ALK: variants seen among roughly 807,000 people sequenced by gnomAD.
ALK encodes ALK tyrosine kinase receptor.
In ALK, 74 loss-of-function variants were observed where a neutral mutation model predicts 163.1. That is an observed-to-expected ratio of 0.45 (90% confidence interval 0.38 to 0.55). The LOEUF is 0.55. Ranked by LOEUF, ALK falls within the 20% of genes least tolerant of loss-of-function variation. ALK has a pLI of 0.00. For synonymous variants in ALK, 960 were observed against 843.2 expected, an observed-to-expected ratio of 1.14 and a Z score of -2.40; for missense variants, 2,063 against 2,105.3, an observed-to-expected ratio of 0.98 and a Z score of 0.39.
chr2:29,662,988 G>A (rs1245105120), intron 3 of ALK, among the ~76,000 whole-genome samples: 1 of 152,126 alleles, frequency 6.6e-6, no homozygotes, highest in African/African-American at 2.4e-5. Flanking sequence ...TTTGATGATT[G>A]ACAATAAATC....
At position 29,803,547 on chromosome 2, in the gene ALK, T is replaced by C. The variant is rs530885671; in HGVS notation, c.668-85850A>G. On this transcript the variant is annotated intron_variant, in intron 1 of 28. Transcript: ENST00000389048. The stretch of plus-strand genomic sequence containing the variant: ...CCTCTGTTTAGAGAGAAAAATAACA[T>C]TGGGCTGTCAGGGTGCTGGTCTTTA... Among the ~76,000 whole-genome samples the C allele has an allele frequency of 1.0e-3, 158 of 152,286 alleles. 1 individual carries two copies. Among genetic ancestry groups the C allele is most frequent in the South Asian group, 5.8e-3 (28 of 4,824 alleles).
At chr2:29,254,256 G>C (rs978285113) in intron 11 of ALK, among the ~76,000 whole-genome samples, 2 of 152,124 alleles carry the variant, frequency 1.3e-5, no homozygotes, top group African/African-American at 4.8e-5. Flanking sequence ...TTTATTAGCA[G>C]CATGAGAATG....
chr2:29,294,289 C>A (rs1195682317), intron 9 of ALK, among the ~76,000 whole-genome samples: 2 of 152,192 alleles, frequency 1.3e-5, no homozygotes, highest in Non-Finnish European at 2.9e-5. Flanking sequence ...GCTTTTTGCT[C>A]CTCCATCAGT....
chr2:29,354,839 TCACTGCAAGCTC>T (rs1490856509), intron 5 of ALK, among the ~76,000 whole-genome samples: 2 of 150,922 alleles, frequency 1.3e-5, no homozygotes, highest in Non-Finnish European at 2.9e-5. Flanking sequence ...CGACCTTGGC[TCACTGCAAGCTC>T]CACCTCCCAG....
Position 29,227,743 on chromosome 2 carries a change from G to T in ALK, c.2816-71C>A. On this transcript the variant is annotated intron_variant, in intron 16 of 28. Transcript: ENST00000389048. This position sits in a 1 kb window ranked among gnomAD's most constrained non-coding sequence, Gnocchi z 4.4. ...AAAATCTTAACACACACACACGTCA[G>T]TGGGGCATGCAGCTCTGGCCAAAGT... 1 of 1,253,224 alleles carries T rather than the reference G, an allele frequency of 8.0e-7. No homozygotes were observed. The highest frequency in any genetic ancestry group is 1.2e-6 in the Non-Finnish European group (1 of 853,688). 77.6% of individuals were successfully genotyped at this position (1,253,224 alleles called of 1,614,324 possible).
intron 2 of ALK, 28 bp downstream of exon 2, chr2:29,717,550 C>G (rs767681871): frequency 6.2e-7 from 1 of 1,613,380 alleles, no homozygotes; most frequent in South Asian, 1.1e-5. Context: ...GACAGTGTAT[C>G]TCAAGTAAAT....
chr2:29,528,274 C>T (rs561095755), intron 4 of ALK, among the ~76,000 whole-genome samples: 1 of 152,114 alleles, frequency 6.6e-6, no homozygotes, highest in South Asian at 2.1e-4. Flanking sequence ...TGGGTAGGAG[C>T]CCTGGAGAGT....
At chr2:29,764,457 C>T (rs1451918334) in intron 1 of ALK, among the ~76,000 whole-genome samples, 1 of 152,174 alleles carries the variant, frequency 6.6e-6, no homozygotes, top group Admixed American at 6.6e-5. Flanking sequence ...CGTCCCAAAT[C>T]AGGAAAATAG....
At chr2:29,797,218 C>T (rs181427357) in intron 1 of ALK, among the ~76,000 whole-genome samples, 157 of 152,250 alleles carry the variant, frequency 1.0e-3, no homozygotes, top group Middle Eastern at 3.4e-3. Flanking sequence ...CTTTAACTGT[C>T]CCATCCTGTA....
At chr2:29,850,446 T>C (rs1247041193) in intron 1 of ALK, among the ~76,000 whole-genome samples, 1 of 152,220 alleles carries the variant, frequency 6.6e-6, no homozygotes, top group Non-Finnish European at 1.5e-5. Context: ...ATTTTTTCTA[T>C]GATTGTTATA....
At chr2:29,770,659 A>C (rs1157407151) in intron 1 of ALK, among the ~76,000 whole-genome samples, 1 of 152,254 alleles carries the variant, frequency 6.6e-6, no homozygotes, top group East Asian at 1.9e-4. Flanking sequence ...ATAATATAAA[A>C]AAATTATGAT....
chr2:29,618,709 G>A (rs747372019), intron 3 of ALK, among the ~76,000 whole-genome samples: 8 of 152,196 alleles, frequency 5.3e-5, no homozygotes, highest in South Asian at 2.1e-4. Context: ...GGCCAGGTGC[G>A]GTGGCTCATG....
At chr2:29,605,168 T>TTACG (rs1216832316) in intron 3 of ALK, among the ~76,000 whole-genome samples, 1 of 152,166 alleles carries the variant, frequency 6.6e-6, no homozygotes, top group East Asian at 1.9e-4. Context: ...TGGGTAGCGA[T>TTACG]TACGTTCTCA....
intron 1 of ALK, among the ~76,000 whole-genome samples, chr2:29,828,014 G>T (rs188863974): frequency 6.6e-6 from 1 of 152,038 alleles, no homozygotes; most frequent in Non-Finnish European, 1.5e-5. Flanking sequence ...ATAATACCAC[G>T]CATCTACAAC....
intron 19 of ALK, chr2:29,223,793 G>A (rs1663823335): frequency 3.8e-6 from 2 of 524,038 alleles, no homozygotes; most frequent in Non-Finnish European, 6.9e-6. Context: ...TGTTAGTCTG[G>A]TTCCTCCAAG....
At chr2:29,486,776 A>T (rs1042970074) in intron 4 of ALK, among the ~76,000 whole-genome samples, 2 of 152,236 alleles carry the variant, frequency 1.3e-5, no homozygotes, top group Non-Finnish European at 2.9e-5. Flanking sequence ...GGTTACCCCA[A>T]ATTATATACC....
Position 29,611,839 on chromosome 2 carries a change from T to C in ALK, c.953-79723A>G, listed in dbSNP as rs572142866. Among the ~76,000 whole-genome samples the C allele has an allele frequency of 3.3e-5, 5 of 152,306 alleles. No homozygotes were observed. The East Asian group carries it at 9.6e-4, about 29-fold the overall frequency. On this transcript the variant is annotated intron_variant, in intron 3 of 28. Coordinates refer to ENST00000389048, the MANE Select transcript of ALK (RefSeq NM_004304.5). Reference sequence around the variant, plus strand: ...CACCATGATTGTAAGTTTCCTGAGGTCTGGCAGTCATGCTTCCTGTGAAGC... The same window carrying C: ...CACCATGATTGTAAGTTTCCTGAGGCCTGGCAGTCATGCTTCCTGTGAAGC...
intron 27 of ALK, 144 bp downstream of exon 27, chr2:29,197,398 G>T (rs755547914): frequency 1.6e-6 from 2 of 1,213,756 alleles, no homozygotes; most frequent in Admixed American, 2.4e-5. Flanking sequence ...CACTGAAGTC[G>T]CAGTCACATT....
chr2:29,308,754 C>T (rs77888331), intron 8 of ALK, among the ~76,000 whole-genome samples: 1,866 of 152,250 alleles, frequency 0.012, 36 homozygotes, highest in African/African-American at 0.043. Flanking sequence ...GAGACCAGTG[C>T]CCAGCTTAGC....
Sources: allele counts gnomAD v4.1 joint callset (sites outside exome capture counted in the v4.1 genomes callset), GRCh38; gene constraint gnomAD v4.1.1; non-coding constraint Gnocchi (gnomAD v3.1); transcripts MANE v1.5; gene names NCBI Gene and HGNC (gene_info 2026-07-23, HGNC 2026-07-21).